Variants in EVI5 observed in about 807,000 individuals in gnomAD.
The protein encoded by EVI5 is ecotropic viral integration site 5.
In EVI5, 73 loss-of-function variants were observed where a neutral mutation model predicts 112.0. The ratio of observed to expected loss-of-function variants is 0.65; its 90% CI spans 0.54 to 0.79. The LOEUF (loss-of-function observed/expected upper bound fraction) is 0.79. Among genes scored for constraint, EVI5 ranks in the 30% least tolerant of loss-of-function variants. The pLI is 0.00. For missense variants in EVI5, 900 were observed against 968.8 expected (o/e 0.93, Z 0.94); for synonymous variants, 305 against 319.9 (o/e 0.95, Z 0.50).
At chr1:92,606,023 A>C (rs948923316) in intron 17 of EVI5, among the ~76,000 whole-genome samples, 1 of 152,226 alleles carries the variant, frequency 6.6e-6, no homozygotes, top group African/African-American at 2.4e-5. Flanking sequence ...TACATTGGTC[A>C]TTCTCAAAAC....
intron 13 of EVI5, among the ~76,000 whole-genome samples, chr1:92,637,399 A>G (rs1040041739): frequency 6.6e-5 from 10 of 151,584 alleles, no homozygotes; most frequent in African/African-American, 2.4e-4. Flanking sequence ...AAAAAAAAAG[A>G]TATACATAGA....
intron 13 of EVI5, chr1:92,646,898 TGA>T (rs1251794890): frequency 4.7e-6 from 1 of 212,624 alleles, no homozygotes; most frequent in Non-Finnish European, 1.0e-5. Context: ...TAGAGCACTC[TGA>T]GAGACTGCAA....
At chr1:92,641,088 G>C (rs1427630254) in intron 13 of EVI5, among the ~76,000 whole-genome samples, 1 of 151,902 alleles carries the variant, frequency 6.6e-6, no homozygotes, top group Admixed American at 6.6e-5. Context: ...GGAGAAGAGG[G>C]AACTTAGAGG....
intron 1 of EVI5, among the ~76,000 whole-genome samples, chr1:92,747,150 T>A (rs895476635): frequency 2.6e-5 from 4 of 151,870 alleles, no homozygotes; most frequent in East Asian, 1.9e-4. Flanking sequence ...AGATTTTTTT[T>A]AAAACAGTAC....
Position 92,509,309 on chromosome 1 carries a change from T to C in EVI5, c.*4347A>G, listed in dbSNP as rs780826755. ...TCTGGAGAGTTAACAAGCTGCATCA[T>C]GTTCAGAATTGAGAAAAAGTTTTTC... is the stretch of plus-strand genomic sequence containing the variant. On this transcript the variant is annotated 3_prime_UTR_variant, in exon 20 of 20. Transcript: ENST00000684568. The C allele has an allele frequency of 6.6e-6, 1 of 152,636 alleles. No homozygotes were observed. Among genetic ancestry groups the C allele is most frequent in the Non-Finnish European group, 1.5e-5 (1 of 68,060 alleles). The allele number at this position is 152,636 out of a possible 1,614,324, so 9.5% of individuals were successfully genotyped here. A position where few individuals can be genotyped will look rare whatever the true frequency, so the allele number is the denominator to read the frequency against.
At chr1:92,636,733 A>G (rs898334429) in intron 13 of EVI5, among the ~76,000 whole-genome samples, 7 of 152,238 alleles carry the variant, frequency 4.6e-5, no homozygotes, top group Non-Finnish European at 1.0e-4. Context: ...TGTGGCTAAT[A>G]CAGATTAAAA....
chr1:92,570,884 T>C (rs1328156393), intron 18 of EVI5, among the ~76,000 whole-genome samples: 3 of 152,084 alleles, frequency 2.0e-5, no homozygotes, highest in Non-Finnish European at 4.4e-5. Context: ...ACAGTGAAGC[T>C]AAGAAATTTT....
At chr1:92,633,473 T>C (rs879023666) in intron 14 of EVI5, among the ~76,000 whole-genome samples, 1 of 152,216 alleles carries the variant, frequency 6.6e-6, no homozygotes, top group Admixed American at 6.5e-5. Context: ...AAGTCTGTTT[T>C]ATCAGAGACT....
chr1:92,761,783 G>C (rs1052712555), intron 1 of EVI5, among the ~76,000 whole-genome samples: 1 of 152,134 alleles, frequency 6.6e-6, no homozygotes, highest in Non-Finnish European at 1.5e-5. Flanking sequence ...GTTCCAGTAA[G>C]ATTTAAGGTT....
At chr1:92,778,548 G>C (rs1258277963) in intron 1 of EVI5, among the ~76,000 whole-genome samples, 5 of 152,006 alleles carry the variant, frequency 3.3e-5, no homozygotes, top group Non-Finnish European at 7.4e-5. Context: ...CCCAGATACT[G>C]ACAACCAGAC....
At chr1:92,589,725 C>T (rs569727509) in intron 18 of EVI5, among the ~76,000 whole-genome samples, 139 of 152,268 alleles carry the variant, frequency 9.1e-4, no homozygotes, top group Non-Finnish European at 1.5e-3. Context: ...CAGAAACCTC[C>T]GCAGACTTAA....
chr1:92,579,094 T>C (rs556933374), intron 18 of EVI5, among the ~76,000 whole-genome samples: 1 of 152,328 alleles, frequency 6.6e-6, no homozygotes, highest in Admixed American at 6.5e-5. Flanking sequence ...ATGCAGTACT[T>C]ATTTTATGTT....
chr1:92,652,766 G>C (rs1174262695), intron 13 of EVI5, among the ~76,000 whole-genome samples: 1 of 152,164 alleles, frequency 6.6e-6, no homozygotes, highest in Non-Finnish European at 1.5e-5. Context: ...TCAGAAAGAA[G>C]AACCAAGGTT....
chr1:92,556,444 G>A (rs781466749), intron 19 of EVI5, among the ~76,000 whole-genome samples: 4 of 151,976 alleles, frequency 2.6e-5, no homozygotes, highest in Non-Finnish European at 4.4e-5. Flanking sequence ...TTTTCCATAG[G>A]TTCTTGGAAA....
At chr1:92,550,968 C>A (rs1225950672) in intron 19 of EVI5, among the ~76,000 whole-genome samples, 21 of 144,154 alleles carry the variant, frequency 1.5e-4, no homozygotes, top group South Asian at 1.1e-3. Context: ...ATAAAAAAAA[C>A]CCAAAATCCA....
rs1380679112 is a variant in EVI5, at chr1:92,772,329, G to A, written c.-82+12507C>T. On this transcript the variant is annotated intron_variant, in intron 1 of 19. Coordinates refer to ENST00000684568, the MANE Select transcript of EVI5 (RefSeq NM_001350197.2). Reference sequence around the variant, plus strand: ...AAAAAGAAACTGGCCAGGCGAGGTGGCTCACGCCTGTAATCCCAGCACTTT... The same window carrying A: ...AAAAAGAAACTGGCCAGGCGAGGTGACTCACGCCTGTAATCCCAGCACTTT... 2.6e-5 allele frequency among the ~76,000 whole-genome samples: 4 copies of A among 151,824 alleles called. No individual in the cohort carries two copies. The East Asian group carries it at 7.8e-4, about 30-fold the overall frequency.
intron 2 of EVI5, among the ~76,000 whole-genome samples, chr1:92,706,647 G>A (rs1379004976): frequency 1.3e-5 from 2 of 152,172 alleles, no homozygotes; most frequent in African/African-American, 4.8e-5. Flanking sequence ...CAACTTCTAG[G>A]ATAGGCACAA....
chr1:92,675,911 G>A lies in EVI5; in HGVS notation c.1158+1247C>T, dbSNP rs57275795. 2.3e-3 allele frequency among the ~76,000 whole-genome samples: 337 copies of A among 144,652 alleles called. 3 individuals are homozygous for A. The East Asian group carries it at 0.06, about 26-fold the overall frequency. 94.9% of individuals were successfully genotyped at this position (144,652 alleles called of 152,430 possible). A position where few individuals can be genotyped will look rare whatever the true frequency, so the allele number is the denominator to read the frequency against. On this transcript the variant is annotated intron_variant, in intron 10 of 19. Coordinates refer to ENST00000684568, the MANE Select transcript of EVI5 (RefSeq NM_001350197.2). ...GCGGAGCTTGCAGTGAGCCAAGATC[G>A]CACCACTGCACTCCAGCCTGGGCGA...
At chr1:92,784,301 G>A (rs1570967351) in intron 1 of EVI5, 6 of 985,198 alleles carry the variant, frequency 6.1e-6, no homozygotes, top group East Asian at 1.1e-4. Flanking sequence ...GTCATAAGGT[G>A]ATTCAGGAAT....
Sources: gnomAD v4.1 joint callset for allele counts (sites outside exome capture counted in the v4.1 genomes callset) on GRCh38, gnomAD v4.1.1 for gene constraint, MANE v1.5 for transcripts, NCBI Gene and HGNC (gene_info 2026-07-23, HGNC 2026-07-21) for gene names.